Variants in COL23A1 observed in about 807,000 individuals in gnomAD.
COL23A1 encodes the protein collagen alpha-1(XXIII) chain.
Under a neutral mutation model 99.3 loss-of-function variants are expected in COL23A1, and 97 were observed. That is an observed-to-expected ratio of 0.98 (90% CI 0.83 to 1.16). The LOEUF (loss-of-function observed/expected upper bound fraction) is 1.16, where lower values mean the gene tolerates loss of function less well. Ranked by LOEUF, COL23A1 falls within the 50% of genes most tolerant of loss-of-function variation. The pLI, the probability that COL23A1 is intolerant of heterozygous loss-of-function variation, is 0.00. For synonymous variants in COL23A1, 320 were observed against 308.2 expected, an observed-to-expected ratio of 1.04 and a Z score of -0.40; for missense variants, 762 against 757.4, an observed-to-expected ratio of 1.01 and a Z score of -0.07.
intron 2 of COL23A1, among the ~76,000 whole-genome samples, chr5:178,393,591 C>T (rs1369977553): frequency 1.3e-5 from 2 of 152,024 alleles, no homozygotes; most frequent in Admixed American, 6.6e-5. Context: ...GAGACCAGCT[C>T]CCAATGCATG....
rs1353914612 is a variant in COL23A1, at chr5:178,468,797, G to A, written c.361+91885C>T. Among the ~76,000 whole-genome samples, 1 of 152,188 alleles carries A rather than the reference G, an allele frequency of 6.6e-6. No homozygotes were observed. Among genetic ancestry groups the A allele is most frequent in the African/African-American group, 2.4e-5 (1 of 41,444 alleles). On this transcript the variant is annotated intron_variant, in intron 2 of 28. Coordinates refer to ENST00000390654, the MANE Select transcript of COL23A1 (RefSeq NM_173465.4). The surrounding 1 kb of genome is among the most constrained non-coding windows in gnomAD (Gnocchi z 4.2). ...TTTCCCATCTTCACCATTTTTACGG[G>A]TACAGCTCAGTGCATCAGGTGCATT...
chr5:178,433,860 G>A (rs1348641226), intron 2 of COL23A1, among the ~76,000 whole-genome samples: 1 of 152,190 alleles, frequency 6.6e-6, no homozygotes, highest in Non-Finnish European at 1.5e-5. Flanking sequence ...AAGTGATTAA[G>A]TTAAAATGAG....
chr5:178,408,858 G>A (rs1764895099), intron 2 of COL23A1, among the ~76,000 whole-genome samples: 1 of 151,492 alleles, frequency 6.6e-6, no homozygotes, highest in South Asian at 2.1e-4. Context: ...GGGAGGTTGA[G>A]GCAGGAGAAT....
intron 2 of COL23A1, among the ~76,000 whole-genome samples, chr5:178,493,041 T>C (rs2127973280): frequency 6.6e-6 from 1 of 152,346 alleles, no homozygotes; most frequent in South Asian, 2.1e-4. Flanking sequence ...TGGTTGACTG[T>C]TGGTCTCTCA....
At chr5:178,292,278 AG>A (rs1757503397) in intron 3 of COL23A1, among the ~76,000 whole-genome samples, 1 of 152,174 alleles carries the variant, frequency 6.6e-6, no homozygotes, top group African/African-American at 2.4e-5. Flanking sequence ...TTAACTCGGA[AG>A]AACTGACCCA....
intron 2 of COL23A1, among the ~76,000 whole-genome samples, chr5:178,412,005 A>G (rs1765079943): frequency 6.6e-6 from 1 of 152,246 alleles, no homozygotes; most frequent in African/African-American, 2.4e-5. Flanking sequence ...GAAAGTTTTC[A>G]TCTTTGACTA....
chr5:178,536,002 G>C (rs1052869624), intron 2 of COL23A1, among the ~76,000 whole-genome samples: 3 of 152,248 alleles, frequency 2.0e-5, no homozygotes, highest in Non-Finnish European at 4.4e-5. Flanking sequence ...GCCAGGCCCC[G>C]GGCCTTCCTC....
At position 178,247,791 on chromosome 5, in the gene COL23A1, C is replaced by A. The variant is rs758026064; in HGVS notation, c.1253G>T (p.Gly418Val). 1 of 1,611,782 alleles carries A rather than the reference C, an allele frequency of 6.2e-7. No homozygotes were observed. The highest frequency in any genetic ancestry group is 1.7e-5 in the Admixed American group (1 of 59,952). The change falls in exon 21 of 29, where the codon GGC (glycine) becomes GTC (valine). Residue 418 changes from glycine to valine, a missense_variant. By Grantham distance (109) the Gly-to-Val change is moderately radical. Coordinates refer to ENST00000390654, the MANE Select transcript of COL23A1 (RefSeq NM_173465.4). ...IVEPGPPGPP[G>V]PPGPMGLQGI... ...CGTCCTTACCATCGGGCCTGGGGGG[C>A]CAGGGGGGCCAGGGGGCCCTGGCTC...
rs143332940 is a variant in COL23A1, at chr5:178,373,377, C to T, written c.362-66458G>A. On this transcript the variant is annotated intron_variant, in intron 2 of 28. Coordinates refer to ENST00000390654, the MANE Select transcript of COL23A1 (RefSeq NM_173465.4). ...TGCCGTTCTCAGTGCAGCCCAGGCG[C>T]GAACCTCCAAGGTGTCCTGCCCCAC... 1.5e-3 allele frequency among the ~76,000 whole-genome samples: 224 copies of T among 152,232 alleles called. 4 individuals carry two copies. The South Asian group carries it at 0.031, about 21-fold the overall frequency.
At chr5:178,532,933 G>A (rs1760731765) in intron 2 of COL23A1, among the ~76,000 whole-genome samples, 1 of 152,176 alleles carries the variant, frequency 6.6e-6, no homozygotes, top group African/African-American at 2.4e-5. Context: ...CCAGCCTTCA[G>A]AACTGTGTGG....
chr5:178,549,481 G>C (rs934579599), intron 2 of COL23A1, among the ~76,000 whole-genome samples: 5 of 152,110 alleles, frequency 3.3e-5, no homozygotes, highest in Admixed American at 3.3e-4. Flanking sequence ...CAGAGAATAG[G>C]GGAATGGGAG....
chr5:178,575,530 TC>T (rs1241512452), intron 1 of COL23A1, among the ~76,000 whole-genome samples: 1 of 152,210 alleles, frequency 6.6e-6, no homozygotes, highest in Non-Finnish European at 1.5e-5. Context: ...TCATGGATTA[TC>T]ATTATTTCCA....
At chr5:178,257,023 C>A (rs533399255) in intron 13 of COL23A1, 95 bp from the exon 14 acceptor site, 6 of 1,069,194 alleles carry the variant, frequency 5.6e-6, no homozygotes, top group African/African-American at 1.6e-5. Context: ...TGAAGCCTCG[C>A]GATTAGGCCT....
Position 178,590,138 on chromosome 5 carries a change from G to A in COL23A1, c.60C>T (p.Gly20=), listed in dbSNP as rs1297219981. The change falls in exon 1 of 29, where the codon GGC becomes GGT. Residue 20 remains glycine (G), a synonymous_variant. Transcript: ENST00000390654. This position sits in a 1 kb window ranked among gnomAD's most constrained non-coding sequence, Gnocchi z 5.7. ...GGDAGKGNAA[G]GGGGGRSATT... Reference sequence around the variant, plus strand: ...TCGCCGAGCGCCCTCCGCCGCCGCCGCCCGCCGCATTGCCCTTCCCCGCGT... The same window carrying A: ...TCGCCGAGCGCCCTCCGCCGCCGCCACCCGCCGCATTGCCCTTCCCCGCGT... The A allele has an allele frequency of 1.6e-6, 2 of 1,238,618 alleles. No homozygotes were observed. Among genetic ancestry groups the A allele is most frequent in the Non-Finnish European group, 2.0e-6 (2 of 995,062 alleles). 76.7% of individuals were successfully genotyped at this position (1,238,618 alleles called of 1,614,324 possible). A position where few individuals can be genotyped will look rare whatever the true frequency, so the allele number is the denominator to read the frequency against.
In COL23A1 at chr5:178,307,440, C is replaced by T. The variant is rs557448551; in HGVS notation, c.362-521G>A. Among the ~76,000 whole-genome samples, 3 of 152,368 alleles carry T rather than the reference C, an allele frequency of 2.0e-5. No homozygotes were observed. The highest frequency in any genetic ancestry group is 1.9e-4 in the East Asian group (1 of 5,186). On this transcript the variant is annotated intron_variant, in intron 2 of 28. Transcript: ENST00000390654. This position sits in a 1 kb window ranked among gnomAD's most constrained non-coding sequence, Gnocchi z 4.2. ...CACTACACGATCCGCCTGCAGTCTC[C>T]GCCACTCGCTGGGGCCTCCAGCTCC...
Position 178,252,552 on chromosome 5 carries a change from C to T in COL23A1, c.1006G>A (p.Gly336Arg). 5.0e-6 allele frequency: 8 copies of T among 1,611,848 alleles called. No homozygotes were observed. Among genetic ancestry groups the T allele is most frequent in the Non-Finnish European group, 6.8e-6 (8 of 1,179,124 alleles). The change falls in exon 17 of 29, where the codon GGA becomes AGA. Residue 336 changes from glycine (G) to arginine (R), a missense_variant. Transcript: ENST00000390654. ...QGPPGPPGIP[G>R]AKGELGLPGA... Reference sequence around the variant, plus strand: ...GCTGCATCTGCACTGACCTTGGCTCCAGGGATCCCTGGTGGCCCTGGGGGC... The same window carrying T: ...GCTGCATCTGCACTGACCTTGGCTCTAGGGATCCCTGGTGGCCCTGGGGGC...
intron 2 of COL23A1, among the ~76,000 whole-genome samples, chr5:178,543,219 T>G (rs940940571): frequency 1.3e-5 from 2 of 151,984 alleles, no homozygotes; most frequent in Non-Finnish European, 2.9e-5. Context: ...CCGATTCTCC[T>G]GCCTCAGCCT....
In COL23A1 at chr5:178,255,577, A is replaced by T. The variant is rs910981859; in HGVS notation, c.883-551T>A. 8.6e-5 allele frequency among the ~76,000 whole-genome samples: 13 copies of T among 151,848 alleles called. No individual in the cohort carries two copies. Among genetic ancestry groups the T allele is most frequent in the African/African-American group, 2.4e-4 (10 of 41,416 alleles). On this transcript the variant is annotated intron_variant, in intron 15 of 28. Transcript: ENST00000390654. This position sits in a 1 kb window ranked among gnomAD's most constrained non-coding sequence, Gnocchi z 4.2. ...GCTGCTGGCCAGCCCTTCCCTTGTG[A>T]ACCTCACTTCCCCACCCAGGCTGCT...
intron 2 of COL23A1, among the ~76,000 whole-genome samples, chr5:178,483,288 G>A (rs1463517902): frequency 6.6e-6 from 1 of 151,914 alleles, no homozygotes; most frequent in Non-Finnish European, 1.5e-5. Context: ...ATATGGAGAA[G>A]GCATTAGATG....
Sources: allele counts gnomAD v4.1 joint callset (sites outside exome capture counted in the v4.1 genomes callset), GRCh38; gene constraint gnomAD v4.1.1; non-coding constraint Gnocchi (gnomAD v3.1); transcripts MANE v1.5; gene names NCBI Gene and HGNC (gene_info 2026-07-23, HGNC 2026-07-21).